The following CTIF variants were observed in gnomAD, a reference collection of about 807,000 sequenced individuals.
CTIF encodes the protein CBP80/20-dependent translation initiation factor.
A neutral mutation model predicts 66.0 loss-of-function variants in CTIF; 21 were observed. That is an observed-to-expected ratio of 0.32 (90% CI 0.23 to 0.46). The LOEUF is 0.46. CTIF is among the 20% of genes least tolerant of loss of function. The pLI, the probability that CTIF is intolerant of heterozygous loss-of-function variation, is 1.00. For synonymous variants in CTIF, 345 were observed against 326.4 expected (o/e 1.06, Z -0.62); for missense variants, 739 against 812.7 (o/e 0.91, Z 1.10).
At chr18:48,712,066 G>A (rs769969764) in intron 7 of CTIF, among the ~76,000 whole-genome samples, 33 of 152,150 alleles carry the variant, frequency 2.2e-4, no homozygotes, top group Non-Finnish European at 4.7e-4. Context: ...TGTGTGTTTT[G>A]AGACATGGCC....
At chr18:48,838,827 G>A (rs918733274) in intron 10 of CTIF, among the ~76,000 whole-genome samples, 1 of 152,188 alleles carries the variant, frequency 6.6e-6, no homozygotes, top group Non-Finnish European at 1.5e-5. Flanking sequence ...TTGGTCACAG[G>A]CAGATTCAAG....
At chr18:48,832,173 C>CTTT (rs61221781) in intron 10 of CTIF, among the ~76,000 whole-genome samples, 16 of 128,290 alleles carry the variant, frequency 1.2e-4, no homozygotes, top group South Asian at 2.4e-4. Flanking sequence ...CGTGGTCCTT[C>CTTT]TTTTTTTTTT....
chr18:48,759,742 T>C (rs1043933434), intron 8 of CTIF, among the ~76,000 whole-genome samples: 3 of 152,240 alleles, frequency 2.0e-5, no homozygotes, highest in Non-Finnish European at 2.9e-5. Context: ...TCCTATTCTA[T>C]ATGCAGACCA....
intron 1 of CTIF, among the ~76,000 whole-genome samples, chr18:48,568,587 C>T (rs1368961249): frequency 7.9e-6 from 1 of 127,008 alleles, no homozygotes; most frequent in Non-Finnish European, 1.6e-5. Context: ...GTGTAATAGT[C>T]CATTTTTATA....
intron 1 of CTIF, among the ~76,000 whole-genome samples, chr18:48,597,717 G>C (rs1348222291): frequency 6.6e-6 from 1 of 152,158 alleles, no homozygotes; most frequent in Non-Finnish European, 1.5e-5. Context: ...AACCAATGAA[G>C]CCTTTTTTCT....
At chr18:48,563,764 G>T (rs549064668) in intron 1 of CTIF, among the ~76,000 whole-genome samples, 2 of 152,318 alleles carry the variant, frequency 1.3e-5, no homozygotes, top group East Asian at 3.9e-4. Flanking sequence ...GAGCCACCGT[G>T]CCTGGCCCTG....
chr18:48,774,642 C>T (rs562762745), intron 9 of CTIF, among the ~76,000 whole-genome samples: 182 of 152,198 alleles, frequency 1.2e-3, no homozygotes, highest in African/African-American at 3.6e-3. Context: ...TTGACAGTGC[C>T]GAGCCTGAGA....
At chr18:48,592,823 C>T (rs1317004122) in intron 1 of CTIF, among the ~76,000 whole-genome samples, 4 of 152,248 alleles carry the variant, frequency 2.6e-5, no homozygotes, top group African/African-American at 4.8e-5. Context: ...CTGCCGTTCA[C>T]AGGTGGCCTT....
chr18:48,645,388 A>G (rs1184233880), intron 3 of CTIF, among the ~76,000 whole-genome samples: 1 of 152,168 alleles, frequency 6.6e-6, no homozygotes, highest in Non-Finnish European at 1.5e-5. Flanking sequence ...AGATCTAGCA[A>G]AACAAAAAAC....
At chr18:48,603,378 G>GATGGATGGATGGATGA (rs1428191359) in intron 1 of CTIF, among the ~76,000 whole-genome samples, 1 of 149,734 alleles carries the variant, frequency 6.7e-6, no homozygotes, top group African/African-American at 2.5e-5. Flanking sequence ...TAGATGGATG[G>GATGGATGGATGGATGA]ATGGATGGAT....
At chr18:48,758,489 G>A (rs1908641524) in intron 8 of CTIF, 84 bp downstream of exon 8, 2 of 1,485,060 alleles carry the variant, frequency 1.3e-6, no homozygotes, top group Admixed American at 4.4e-5. Flanking sequence ...GCACAGTGCA[G>A]AGCCTTGTGG....
At position 48,629,636 on chromosome 18, in the gene CTIF, CA is replaced by C. The variant is rs377481318; in HGVS notation, c.181-6963del. 6.8e-3 allele frequency among the ~76,000 whole-genome samples: 919 copies of C among 134,626 alleles called. 3 individuals carry two copies. The highest frequency in any genetic ancestry group is 0.013 in the African/African-American group (498 of 37,418). 88.3% of individuals were successfully genotyped at this position (134,626 alleles called of 152,430 possible). A position where few individuals can be genotyped will look rare whatever the true frequency, so the allele number is the denominator to read the frequency against. On this transcript the variant is annotated intron_variant, in intron 2 of 11. Transcript: ENST00000256413. ...ATTTTCCCAGTAATATTGTTTAGAG[CA>C]AAAAAAAAAAAAAATTGGCTGTGAT...
chr18:48,848,591 C>T (rs2069130997), intron 10 of CTIF, among the ~76,000 whole-genome samples: 1 of 152,222 alleles, frequency 6.6e-6, no homozygotes, highest in South Asian at 2.1e-4. Flanking sequence ...TTGGGATTGC[C>T]AGTGCTCATC....
rs1219135694 is a variant in CTIF at position 48,761,673 on chromosome 18, T to C, written c.1355T>C (p.Leu452Pro). Residue 452 changes from leucine (L) to proline (P), a missense_variant, in exon 9 of 12, where the codon CTC becomes CCC. This residue lies in a region of CTIF where 210 missense variants were observed against 292.3 expected (regional missense o/e 0.72). Transcript: ENST00000256413. The surrounding 1 kb of genome is among the most constrained non-coding windows in gnomAD (Gnocchi z 4.2). ...GAGGGGACCAAGTTCCGGAGCCTGC[T>C]CCTCAACATGCTGCAGGTAACTGGA... The part of the protein sequence containing the change: ...MVEGTKFRSL[L>P]LNMLQKDFTV... 2 of 1,608,942 alleles carry C rather than the reference T, an allele frequency of 1.2e-6. No individual in the cohort carries two copies. Among genetic ancestry groups the C allele is most frequent in the Non-Finnish European group, 1.7e-6 (2 of 1,175,734 alleles).
intron 3 of CTIF, among the ~76,000 whole-genome samples, chr18:48,655,318 A>AG (rs201962138): frequency 2.9e-4 from 40 of 139,326 alleles, no homozygotes; most frequent in African/African-American, 8.4e-4. Context: ...AAAAAAAAAA[A>AG]AAGAAGAATA....
chr18:48,808,561 A>G (rs1323082683), intron 9 of CTIF, among the ~76,000 whole-genome samples: 3 of 132,538 alleles, frequency 2.3e-5, no homozygotes, highest in Non-Finnish European at 3.2e-5. Flanking sequence ...TCCATCTGGA[A>G]TTTATTTTAG....
intron 1 of CTIF, among the ~76,000 whole-genome samples, chr18:48,549,541 A>G (rs1426023822): frequency 6.6e-6 from 1 of 152,206 alleles, no homozygotes; most frequent in African/African-American, 2.4e-5. Context: ...CATCTTCAGC[A>G]CATTGGCCTT....
chr18:48,723,773 G>C (rs2092362423), intron 7 of CTIF, among the ~76,000 whole-genome samples: 2 of 152,170 alleles, frequency 1.3e-5, no homozygotes, highest in Admixed American at 6.5e-5. Context: ...CATTTACCCT[G>C]AACTCCAAGA....
intron 6 of CTIF, among the ~76,000 whole-genome samples, chr18:48,677,800 T>C (rs980654956): frequency 4.6e-5 from 7 of 152,224 alleles, no homozygotes; most frequent in African/African-American, 1.7e-4. Context: ...TAAATATGGG[T>C]TGAGTGACTT....
Sources: gnomAD v4.1 joint callset for allele counts (sites outside exome capture counted in the v4.1 genomes callset) on GRCh38, gnomAD v4.1.1 for gene constraint, gnomAD v4.1.1 regional missense constraint, Gnocchi (gnomAD v3.1) non-coding constraint, MANE v1.5 for transcripts, NCBI Gene and HGNC (gene_info 2026-07-23, HGNC 2026-07-21) for gene names.